The following NEGR1 variants were observed in gnomAD, a reference collection of about 807,000 sequenced individuals.
NEGR1 encodes neuronal growth regulator 1, also known as IgLON family member 4.
NEGR1 carries 10 observed loss-of-function variants against 40.9 expected under a neutral mutation model. The ratio of observed to expected loss-of-function variants is 0.24; its 90% CI spans 0.15 to 0.42. NEGR1 has a LOEUF of 0.42. NEGR1 is among the 10% of genes least tolerant of loss of function. NEGR1 has a pLI of 1.00. For missense variants in NEGR1, 352 were observed against 438.9 expected (o/e 0.80, Z 1.77); for synonymous variants, 185 against 166.8 (o/e 1.11, Z -0.84).
At chr1:71,708,179 C>A (rs1653967265) in intron 3 of NEGR1, among the ~76,000 whole-genome samples, 1 of 151,620 alleles carries the variant, frequency 6.6e-6, no homozygotes, top group South Asian at 2.1e-4. Flanking sequence ...CAAGTACCAA[C>A]CCAGGAGAAA....
At chr1:71,663,569 A>G (rs1240953304) in intron 4 of NEGR1, among the ~76,000 whole-genome samples, 3 of 152,090 alleles carry the variant, frequency 2.0e-5, no homozygotes, top group African/African-American at 7.2e-5. Context: ...CCATTGAATT[A>G]TTTTTGCATT....
At chr1:71,595,088 C>T (rs766092646) in intron 5 of NEGR1, among the ~76,000 whole-genome samples, 2 of 152,186 alleles carry the variant, frequency 1.3e-5, no homozygotes, top group Non-Finnish European at 2.9e-5. Context: ...GCTTCCAGTT[C>T]CCTGCCCTTA....
chr1:71,721,480 A>G (rs921345595), intron 3 of NEGR1, among the ~76,000 whole-genome samples: 1 of 56,722 alleles, frequency 1.8e-5, no homozygotes. Context: ...GGTACAAAAA[A>G]TAAAATAAAA....
At chr1:71,441,971 T>C (rs575609174) in intron 6 of NEGR1, among the ~76,000 whole-genome samples, 2 of 152,344 alleles carry the variant, frequency 1.3e-5, no homozygotes, top group East Asian at 3.9e-4. Flanking sequence ...TAGCACAATG[T>C]TGACTTTTGT....
At chr1:71,546,651 G>A (rs565256353) in intron 6 of NEGR1, among the ~76,000 whole-genome samples, 1 of 151,626 alleles carries the variant, frequency 6.6e-6, no homozygotes, top group South Asian at 2.1e-4. Flanking sequence ...AAGTAAACTA[G>A]GCATATGGAA....
intron 2 of NEGR1, among the ~76,000 whole-genome samples, chr1:71,804,547 C>A (rs1314712936): frequency 6.6e-6 from 1 of 152,214 alleles, no homozygotes; most frequent in Non-Finnish European, 1.5e-5. Flanking sequence ...TTTATTAGTT[C>A]CCCAAATTAA....
intron 1 of NEGR1, among the ~76,000 whole-genome samples, chr1:72,011,991 G>A (rs1646661183): frequency 6.6e-6 from 1 of 152,088 alleles, no homozygotes; most frequent in Non-Finnish European, 1.5e-5. Context: ...AGAGCCAGGA[G>A]TTACACCGAA....
chr1:71,825,471 T>C (rs1658585354), intron 2 of NEGR1, among the ~76,000 whole-genome samples: 1 of 151,958 alleles, frequency 6.6e-6, no homozygotes, highest in Non-Finnish European at 1.5e-5. Context: ...AAGGAACCAC[T>C]GGATTATGCT....
At chr1:71,996,794 C>T (rs1256633418) in intron 1 of NEGR1, among the ~76,000 whole-genome samples, 2 of 152,046 alleles carry the variant, frequency 1.3e-5, no homozygotes, top group Non-Finnish European at 2.9e-5. Context: ...GTCGTACACA[C>T]CTTTCACTTT....
intron 4 of NEGR1, among the ~76,000 whole-genome samples, chr1:71,612,973 T>G (rs962843869): frequency 3.3e-5 from 5 of 152,206 alleles, no homozygotes; most frequent in Admixed American, 3.3e-4. Context: ...ACCTCTCAGG[T>G]CATTTCAAGG....
intron 1 of NEGR1, among the ~76,000 whole-genome samples, chr1:72,265,036 C>T (rs1002177528): frequency 1.3e-5 from 2 of 150,686 alleles, no homozygotes; most frequent in African/African-American, 2.4e-5. Context: ...TAAGATAGTT[C>T]AATGGTTGCA....
At chr1:71,430,089 CCTGCTCATGGCCTGGTA>C (rs1442136813) in intron 6 of NEGR1, among the ~76,000 whole-genome samples, 2 of 152,154 alleles carry the variant, frequency 1.3e-5, no homozygotes, top group Non-Finnish European at 2.9e-5. Context: ...CTGCAGAGTC[CCTGCTCATGGCCTGGTA>C]CTGCAGTATG....
At chr1:71,870,852 T>C (rs1396400878) in intron 2 of NEGR1, among the ~76,000 whole-genome samples, 4 of 152,196 alleles carry the variant, frequency 2.6e-5, no homozygotes, top group East Asian at 1.9e-4. Context: ...GGGGTGAATG[T>C]TCAAAACACT....
chr1:71,734,235 T>C (rs1654977640), intron 3 of NEGR1, among the ~76,000 whole-genome samples: 1 of 152,300 alleles, frequency 6.6e-6, no homozygotes, highest in East Asian at 1.9e-4. Flanking sequence ...ACCCGCAGAA[T>C]GGTTTGTTTA....
At chr1:71,768,532 C>T (rs1377498796) in intron 3 of NEGR1, among the ~76,000 whole-genome samples, 8 of 152,074 alleles carry the variant, frequency 5.3e-5, no homozygotes, top group Non-Finnish European at 1.2e-4. Context: ...TAACTAACTT[C>T]TTTTTGATTT....
intron 2 of NEGR1, among the ~76,000 whole-genome samples, chr1:71,802,066 C>G (rs938740243): frequency 4.6e-5 from 7 of 152,098 alleles, no homozygotes; most frequent in Non-Finnish European, 1.0e-4. Flanking sequence ...TTCTAGTGAT[C>G]TGTGGAAGGT....
At chr1:71,513,558 C>T (rs1470818945) in intron 6 of NEGR1, among the ~76,000 whole-genome samples, 1 of 152,130 alleles carries the variant, frequency 6.6e-6, no homozygotes, top group African/African-American at 2.4e-5. Context: ...AATCTGATGT[C>T]TATGTTTATG....
chr1:71,688,810 A>G (rs1466259702), intron 4 of NEGR1, among the ~76,000 whole-genome samples: 1 of 152,170 alleles, frequency 6.6e-6, no homozygotes, highest in Non-Finnish European at 1.5e-5. Context: ...ACACAAAATC[A>G]TTGGCCTTGC....
At chr1:71,630,163 G>A (rs1650925254) in intron 4 of NEGR1, among the ~76,000 whole-genome samples, 1 of 151,850 alleles carries the variant, frequency 6.6e-6, no homozygotes, top group Non-Finnish European at 1.5e-5. Flanking sequence ...AAAAATCTTT[G>A]TTATTAGCTG....
Sources: allele counts gnomAD v4.1 joint callset (sites outside exome capture counted in the v4.1 genomes callset), GRCh38; gene constraint gnomAD v4.1.1; transcripts MANE v1.5; gene names NCBI Gene and HGNC (gene_info 2026-07-23, HGNC 2026-07-21).